Variants in CDH1 observed in about 807,000 individuals in gnomAD.
CDH1 encodes cadherin-1.
CDH1 carries 35 observed loss-of-function variants against 84.5 expected under a neutral mutation model. That is an observed-to-expected ratio of 0.41 (90% CI 0.32 to 0.55). The LOEUF is 0.55. CDH1 is among the 20% of genes least tolerant of loss of function. CDH1 has a pLI of 0.19. For synonymous variants in CDH1, 417 were observed against 439.0 expected (o/e 0.95, Z 0.63); for missense variants, 994 against 1,126.6 (o/e 0.88, Z 1.68).
intron 15 of CDH1, among the ~76,000 whole-genome samples, chr16:68,830,816 G>T (rs1269484658): frequency 6.6e-6 from 1 of 152,114 alleles, no homozygotes; most frequent in Non-Finnish European, 1.5e-5. Context: ...CAAGGGAGTT[G>T]TCCAACCAGT....
intron 14 of CDH1, 25 bp from the exon 15 acceptor site, chr16:68,829,629 G>A: frequency 6.2e-7 from 1 of 1,612,922 alleles, no homozygotes; most frequent in Non-Finnish European, 8.5e-7. Context: ...ACTCTTCATT[G>A]TACTTCAACC....
At chr16:68,784,640 C>T (rs1341018003) in intron 2 of CDH1, among the ~76,000 whole-genome samples, 2 of 151,894 alleles carry the variant, frequency 1.3e-5, no homozygotes, top group East Asian at 3.9e-4. Flanking sequence ...AGTCTTTTAT[C>T]CCTCACCCCC....
At chr16:68,774,096 G>C (rs1407226048) in intron 2 of CDH1, among the ~76,000 whole-genome samples, 2 of 152,042 alleles carry the variant, frequency 1.3e-5, no homozygotes, top group African/African-American at 4.8e-5. Context: ...TAAATTTTTT[G>C]TAGAGACAGG....
intron 3 of CDH1, among the ~76,000 whole-genome samples, chr16:68,804,268 C>T (rs1960592971): frequency 6.6e-6 from 1 of 151,940 alleles, no homozygotes; most frequent in Non-Finnish European, 1.5e-5. Flanking sequence ...CATCCGCCAC[C>T]ACGCCTGGCT....
intron 11 of CDH1, among the ~76,000 whole-genome samples, chr16:68,820,060 G>A (rs924222942): frequency 1.3e-5 from 2 of 151,974 alleles, no homozygotes; most frequent in Non-Finnish European, 2.9e-5. Flanking sequence ...TTAGCTGAGT[G>A]TGTTGGTGAG....
chr16:68,763,640 T>A (rs1420603042), intron 2 of CDH1: 1 of 152,126 alleles, frequency 6.6e-6, no homozygotes, highest in Non-Finnish European at 1.5e-5. Flanking sequence ...TCGGCCCTCC[T>A]CCCCCACTTC....
intron 6 of CDH1, among the ~76,000 whole-genome samples, chr16:68,811,480 A>G (rs1318255510): frequency 6.7e-6 from 1 of 150,356 alleles, no homozygotes; most frequent in Non-Finnish European, 1.5e-5. Flanking sequence ...CCATTTGTGT[A>G]TTTATACCTG....
At chr16:68,769,752 ACC>A (rs1241937605) in intron 2 of CDH1, among the ~76,000 whole-genome samples, 1 of 147,684 alleles carries the variant, frequency 6.8e-6, no homozygotes, top group Non-Finnish European at 1.5e-5. Flanking sequence ...ACATAGGGAG[ACC>A]CCATCTCTAC....
intron 3 of CDH1, 64 bp from the exon 4 acceptor site, chr16:68,808,360 C>A (rs1597890345): frequency 1.3e-6 from 2 of 1,573,394 alleles, no homozygotes; most frequent in Non-Finnish European, 1.7e-6. Flanking sequence ...CTAGGTTGGA[C>A]TGTTAGACCT....
chr16:68,772,724 C>T (rs1355498022), intron 2 of CDH1, among the ~76,000 whole-genome samples: 3 of 152,108 alleles, frequency 2.0e-5, no homozygotes, highest in Admixed American at 2.0e-4. Flanking sequence ...CGCTTGTGCC[C>T]AGGAGTTCAG....
chr16:68,759,689 C>T (rs1963114192), intron 2 of CDH1, among the ~76,000 whole-genome samples: 1 of 152,038 alleles, frequency 6.6e-6, no homozygotes, highest in South Asian at 2.1e-4. Flanking sequence ...CAAGGTTTCA[C>T]CATTTTGGCC....
intron 2 of CDH1, among the ~76,000 whole-genome samples, chr16:68,797,180 A>G (rs1397956123): frequency 1.3e-5 from 2 of 152,184 alleles, no homozygotes; most frequent in African/African-American, 4.8e-5. Flanking sequence ...TGAGGTCAGA[A>G]GTTCATGACC....
intron 3 of CDH1, among the ~76,000 whole-genome samples, chr16:68,804,081 A>G (rs1315899073): frequency 8.3e-6 from 1 of 120,888 alleles, no homozygotes; most frequent in Non-Finnish European, 1.7e-5. Context: ...ATAAAAATTC[A>G]TTACTTAGTT....
rs1961535355 is a variant in CDH1, at chr16:68,833,342, T to G, written c.2492T>G (p.Leu831Arg). The part of the protein sequence containing the change: ...DPTAPPYDSL[L>R]VFDYEGSGSE... ...ACAGCCCCGCCTTATGATTCTCTGC[T>G]CGTGTTTGACTATGAAGGAAGCGGT... Residue 831 changes from leucine to arginine, a missense_variant, in exon 16 of 16, where the codon CTC becomes CGC. By Grantham distance (102) the Leu-to-Arg change is moderately radical (BLOSUM62 -2). Around this residue, in one of 3 missense-constraint regions of CDH1, gnomAD observed 769 missense variants for 881.8 expected, o/e 0.87. Transcript: ENST00000261769. The G allele has an allele frequency of 6.2e-7, 1 of 1,614,116 alleles. No homozygotes were observed. The highest frequency in any genetic ancestry group is 1.3e-5 in the African/African-American group (1 of 74,940).
At chr16:68,784,825 C>T (rs143752662) in intron 2 of CDH1, among the ~76,000 whole-genome samples, 90 of 148,894 alleles carry the variant, frequency 6.0e-4, no homozygotes, top group African/African-American at 2.0e-3. Flanking sequence ...TTTTTAACAG[C>T]TTATAAGTTC....
At chr16:68,773,551 G>A (rs1056801090) in intron 2 of CDH1, among the ~76,000 whole-genome samples, 7 of 152,178 alleles carry the variant, frequency 4.6e-5, no homozygotes, top group African/African-American at 1.7e-4. Context: ...TGCCCGCCCT[G>A]GCCTCCCAAA....
chr16:68,786,011 A>G (rs531213923), intron 2 of CDH1, among the ~76,000 whole-genome samples: 2 of 152,348 alleles, frequency 1.3e-5, no homozygotes, highest in Admixed American at 6.5e-5. Flanking sequence ...CCACTGCTGG[A>G]ACAGGTGCCC....
chr16:68,808,877 C>T (rs2152130361), intron 5 of CDH1, 29 bp downstream of exon 5: 1 of 1,611,672 alleles, frequency 6.2e-7, no homozygotes, highest in Non-Finnish European at 8.5e-7. Flanking sequence ...CTTGTTGACA[C>T]CGGGGTAACA....
In CDH1 at chr16:68,800,166, C is replaced by G. The variant is rs555860949; in HGVS notation, c.164-1504C>G. 8.9e-4 allele frequency among the ~76,000 whole-genome samples: 135 copies of G among 151,658 alleles called. No individual in the cohort carries two copies. In the Middle Eastern group the frequency reaches 0.01, roughly 12 times the overall value. ...ACCAGCCTGGGCAACATAACAAGATCCCATCTCTATGAAAATATTATTTAA... is the reference window on the plus strand; with the variant it reads ...ACCAGCCTGGGCAACATAACAAGATGCCATCTCTATGAAAATATTATTTAA... On this transcript the variant is annotated intron_variant, in intron 2 of 15. Transcript: ENST00000261769.
Sources: gnomAD v4.1 joint callset for allele counts (sites outside exome capture counted in the v4.1 genomes callset) on GRCh38, gnomAD v4.1.1 for gene constraint, gnomAD v4.1.1 regional missense constraint, MANE v1.5 for transcripts, NCBI Gene and HGNC (gene_info 2026-07-23, HGNC 2026-07-21) for gene names.